The following JADE1 variants were observed in gnomAD, a reference collection of about 807,000 sequenced individuals.
JADE1 encodes the protein jade family PHD finger 1.
Under a neutral mutation model 81.8 loss-of-function variants are expected in JADE1, and 14 were observed. The ratio of observed to expected loss-of-function variants is 0.17; its 90% CI spans 0.11 to 0.27. The LOEUF (loss-of-function observed/expected upper bound fraction) is 0.27, where lower values mean the gene tolerates loss of function less well. Ranked by LOEUF, JADE1 falls within the 10% of genes least tolerant of loss-of-function variation. The pLI is 1.00. For synonymous variants in JADE1, 353 were observed against 391.9 expected (o/e 0.90, Z 1.17); for missense variants, 690 against 1,047.9 (o/e 0.66, Z 4.71).
At chr4:128,850,764 A>G (rs949097305) in intron 5 of JADE1, among the ~76,000 whole-genome samples, 14 of 152,244 alleles carry the variant, frequency 9.2e-5, no homozygotes, top group Non-Finnish European at 1.6e-4. Flanking sequence ...GTTAAGTCAG[A>G]GGACTCAGCC....
In JADE1 at chr4:128,846,344, A is replaced by C. The variant is rs1230290065; in HGVS notation, c.139-31A>C. On this transcript the variant is annotated intron_variant, in intron 3 of 10. Coordinates refer to ENST00000226319, the MANE Select transcript of JADE1 (RefSeq NM_199320.4). The surrounding 1 kb of genome is among the most constrained non-coding windows in gnomAD (Gnocchi z 4.0). ...ACTCTGAATAAGAATGCAAATATCAAATGTCAGTGTCCCTTTCTCTTCCTT... is the reference window on the plus strand; with the variant it reads ...ACTCTGAATAAGAATGCAAATATCACATGTCAGTGTCCCTTTCTCTTCCTT... 6.2e-7 allele frequency: 1 copy of C among 1,608,746 alleles called. No homozygotes were observed. Among genetic ancestry groups the C allele is most frequent in the Non-Finnish European group, 8.5e-7 (1 of 1,175,944 alleles).
intron 9 of JADE1, chr4:128,862,438 G>GTTT: frequency 5.5e-6 from 6 of 1,098,344 alleles, no homozygotes; most frequent in South Asian, 4.7e-5. Context: ...CTTCTTTGTG[G>GTTT]TTTTTTTTTT....
intron 2 of JADE1, among the ~76,000 whole-genome samples, chr4:128,837,061 G>C (rs1371300350): frequency 6.6e-6 from 1 of 152,164 alleles, no homozygotes; most frequent in Non-Finnish European, 1.5e-5. Flanking sequence ...TATAGAGCAG[G>C]ACTTCTTATT....
chr4:128,866,421 C>T (rs973779301), intron 9 of JADE1, among the ~76,000 whole-genome samples: 5 of 152,232 alleles, frequency 3.3e-5, no homozygotes, highest in South Asian at 2.1e-4. Flanking sequence ...TACCATAATG[C>T]AAATGTGAAA....
At chr4:128,866,527 C>T (rs972885872) in intron 9 of JADE1, among the ~76,000 whole-genome samples, 1 of 151,334 alleles carries the variant, frequency 6.6e-6, no homozygotes, top group African/African-American at 2.4e-5. Flanking sequence ...TACACTTACG[C>T]TCTACACCAG....
At chr4:128,851,852 T>TG (rs531093076) in intron 5 of JADE1, among the ~76,000 whole-genome samples, 44 of 152,180 alleles carry the variant, frequency 2.9e-4, no homozygotes, top group Admixed American at 9.8e-4. Context: ...TTTGTAGAGA[T>TG]GGGGTTCCAC....
intron 1 of JADE1, among the ~76,000 whole-genome samples, chr4:128,810,844 C>G (rs1030870015): frequency 6.6e-6 from 1 of 152,062 alleles, no homozygotes; most frequent in Non-Finnish European, 1.5e-5. Context: ...GTGTAAAACC[C>G]CTTAATCGAT....
rs775846767 is a variant in JADE1 at position 128,855,617 on chromosome 4, C to T, written c.697-13C>T. ...TTCTCTCTATTCCTCTGGGATGTGC[C>T]GTGGCATCACAGGCCTGTTATGGAA... On this transcript the variant is annotated splice_polypyrimidine_tract_variant and intron_variant, in intron 6 of 10. Coordinates refer to ENST00000226319, the MANE Select transcript of JADE1 (RefSeq NM_199320.4). 7 of 1,599,502 alleles carry T rather than the reference C, an allele frequency of 4.4e-6. No homozygotes were observed. The highest frequency in any genetic ancestry group is 2.2e-5 in the South Asian group (2 of 89,832).
intron 9 of JADE1, 127 bp from the exon 10 acceptor site, chr4:128,867,725 GTACC>G: frequency 1.9e-6 from 1 of 535,498 alleles, no homozygotes; most frequent in Middle Eastern, 4.6e-4. Flanking sequence ...AATGTTTAAA[GTACC>G]TATTGATTTC....
chr4:128,818,096 CT>C (rs1727204420), intron 1 of JADE1, among the ~76,000 whole-genome samples: 1 of 151,650 alleles, frequency 6.6e-6, no homozygotes, highest in Admixed American at 6.6e-5. Flanking sequence ...TCCTCAATGC[CT>C]TCCTTTTGAT....
At chr4:128,819,431 G>A (rs1000879635) in intron 1 of JADE1, among the ~76,000 whole-genome samples, 13 of 152,178 alleles carry the variant, frequency 8.5e-5, no homozygotes, top group African/African-American at 3.1e-4. Flanking sequence ...AGGATAAAAT[G>A]TGTAAGAACA....
chr4:128,844,613 C>A (rs1042947391), intron 3 of JADE1, among the ~76,000 whole-genome samples: 4 of 151,836 alleles, frequency 2.6e-5, no homozygotes, highest in African/African-American at 9.7e-5. Context: ...AGGTATAGGC[C>A]CATCTCTTAG....
chr4:128,836,924 GT>G (rs2125837625), intron 2 of JADE1, among the ~76,000 whole-genome samples: 1 of 152,154 alleles, frequency 6.6e-6, no homozygotes, highest in East Asian at 1.9e-4. Context: ...AGCAAATGGT[GT>G]TTTTGTTGGT....
At chr4:128,835,739 AGCTGCAGACGTCAGCATGGG>A (rs1728925851) in intron 2 of JADE1, among the ~76,000 whole-genome samples, 1 of 152,238 alleles carries the variant, frequency 6.6e-6, no homozygotes, top group African/African-American at 2.4e-5. Context: ...AAGGAGAGGC[AGCTGCAGACGTCAGCATGGG>A]GCTGCAGCAC....
At chr4:128,854,510 G>A (rs1398303698) in intron 6 of JADE1, among the ~76,000 whole-genome samples, 3 of 152,222 alleles carry the variant, frequency 2.0e-5, no homozygotes, top group East Asian at 3.9e-4. Flanking sequence ...TGCGTTGACG[G>A]TAGCTTATTT....
intron 2 of JADE1, among the ~76,000 whole-genome samples, chr4:128,834,506 A>G (rs1348019532): frequency 6.6e-6 from 1 of 151,580 alleles, no homozygotes; most frequent in African/African-American, 2.4e-5. Flanking sequence ...TCAGCCCATA[A>G]AAGCCCTAGA....
At chr4:128,829,740 A>C (rs1308326666) in intron 1 of JADE1, among the ~76,000 whole-genome samples, 2 of 152,254 alleles carry the variant, frequency 1.3e-5, no homozygotes, top group South Asian at 2.1e-4. Flanking sequence ...CAATTTTAAC[A>C]GAGGGTGATA....
chr4:128,870,090 G>A (rs183667212), intron 10 of JADE1, among the ~76,000 whole-genome samples: 1 of 152,290 alleles, frequency 6.6e-6, no homozygotes, highest in East Asian at 1.9e-4. Flanking sequence ...CAGTCAAGGA[G>A]ATAGAAATCA....
rs377348777 is a variant in JADE1, at chr4:128,842,996, G to A, written c.96G>A (p.Arg32=). ...TWSQNSRSQH[R]RSSCSRHEDR... ...CCCAGAATTCCCGATCCCAGCATAG[G>A]AGAAGCTCCTGCTCCAGACATGAAG... Residue 32 remains arginine, a synonymous_variant, in exon 3 of 11, where the codon AGG becomes AGA. Transcript: ENST00000226319. 2.3e-4 allele frequency: 376 copies of A among 1,613,944 alleles called. No homozygotes were observed. The highest frequency in any genetic ancestry group is 2.9e-4 in the Non-Finnish European group (347 of 1,179,944).
Sources: gnomAD v4.1 joint callset for allele counts (sites outside exome capture counted in the v4.1 genomes callset) on GRCh38, gnomAD v4.1.1 for gene constraint, Gnocchi (gnomAD v3.1) non-coding constraint, MANE v1.5 for transcripts, NCBI Gene and HGNC (gene_info 2026-07-23, HGNC 2026-07-21) for gene names.